WNT1: variants seen among roughly 807,000 people sequenced by gnomAD.
WNT1 encodes Wnt family member 1, also known as proto-oncogene Wnt-1.
WNT1 carries 10 observed loss-of-function variants against 21.3 expected under a neutral mutation model. That is an observed-to-expected ratio of 0.47 (90% CI 0.29 to 0.80). WNT1 has a LOEUF of 0.80. Among genes scored for constraint, WNT1 ranks in the 30% least tolerant of loss-of-function variants. The pLI, the probability that WNT1 is intolerant of heterozygous loss-of-function variation, is 0.09. For missense variants in WNT1, 476 were observed against 534.1 expected, an observed-to-expected ratio of 0.89 and a Z score of 1.07; for synonymous variants, 208 against 236.3, an observed-to-expected ratio of 0.88 and a Z score of 1.10.
chr12:48,978,547 C>A lies in WNT1; in HGVS notation c.-104C>A, dbSNP rs1343227143. The A allele has an allele frequency of 6.0e-6, 5 of 834,376 alleles. No homozygotes were observed. Among genetic ancestry groups the A allele is most frequent in the African/African-American group, 1.7e-5 (1 of 58,642 alleles). The allele number at this position is 834,376 out of a possible 1,614,324, so 51.7% of individuals were successfully genotyped here. On this transcript the variant is annotated 5_prime_UTR_variant, in exon 1 of 4. Transcript: ENST00000293549. This position sits in a 1 kb window ranked among gnomAD's most constrained non-coding sequence, Gnocchi z 7.4. ...CCCCAGGGTTGTTAAAGCCAGACTG[C>A]GAACTCTCGCCACTGCCGCCACCGC...
In WNT1 at chr12:48,979,771, C is replaced by T; in HGVS notation, c.358+50C>T. On this transcript the variant is annotated intron_variant, in intron 2 of 3. Coordinates refer to ENST00000293549, the MANE Select transcript of WNT1 (RefSeq NM_005430.4). This position sits in a 1 kb window ranked among gnomAD's most constrained non-coding sequence, Gnocchi z 6.0. ...TCCGGGAGCAGGGGAAACGCGGGGT[C>T]ACCCCCAGGGCATGGGCGGGCGAGT... 6.5e-7 allele frequency: 1 copy of T among 1,533,666 alleles called. No individual in the cohort carries two copies. Among genetic ancestry groups the T allele is most frequent in the Non-Finnish European group, 8.8e-7 (1 of 1,140,832 alleles).
chr12:48,979,660 T>G lies in WNT1; in HGVS notation c.297T>G (p.Asn99Lys), dbSNP rs1211888536. ...AVRECKWQFR[N>K]RRWNCPTAPG... ...GCGAGTGCAAGTGGCAGTTCCGGAA[T>G]CGCCGCTGGAACTGTCCCACTGCTC... The change falls in exon 2 of 4, where the codon AAT (asparagine) becomes AAG (lysine). Residue 99 changes from asparagine to lysine, a missense_variant. Coordinates refer to ENST00000293549, the MANE Select transcript of WNT1 (RefSeq NM_005430.4). This position sits in a 1 kb window ranked among gnomAD's most constrained non-coding sequence, Gnocchi z 6.0. 6.2e-7 allele frequency: 1 copy of G among 1,613,048 alleles called. No homozygotes were observed. The highest frequency in any genetic ancestry group is 1.3e-5 in the African/African-American group (1 of 75,034).
In WNT1 at chr12:48,980,531, C is replaced by A. The variant is rs746877791; in HGVS notation, c.466C>A (p.Arg156=). Residue 156 remains arginine (R), a synonymous_variant, in exon 3 of 4, where the codon CGG becomes AGG. Transcript: ENST00000293549. This position sits in a 1 kb window ranked among gnomAD's most constrained non-coding sequence, Gnocchi z 7.0. The part of the protein sequence containing the change: ...GSIESCTCDY[R]RRGPGGPDWH... ...CATCGAATCCTGCACGTGTGACTAC[C>A]GGCGGCGCGGCCCCGGGGGCCCCGA... 2 of 1,613,502 alleles carry A rather than the reference C, an allele frequency of 1.2e-6. No homozygotes were observed. Among genetic ancestry groups the A allele is most frequent in the East Asian group, 2.2e-5 (1 of 44,876 alleles).
Position 48,979,642 on chromosome 12 carries a change from C to T in WNT1, c.279C>T (p.Cys93=), listed in dbSNP as rs887278549. ...SGGLQSAVRE[C]KWQFRNRRWN... is the part of the protein sequence containing the mutation. Reference sequence around the variant, plus strand: ...GGCTGCAGAGTGCCGTGCGCGAGTGCAAGTGGCAGTTCCGGAATCGCCGCT... The same window carrying T: ...GGCTGCAGAGTGCCGTGCGCGAGTGTAAGTGGCAGTTCCGGAATCGCCGCT... The change falls in exon 2 of 4, where the codon TGC becomes TGT. Residue 93 remains cysteine (C), a synonymous_variant. Transcript: ENST00000293549. The surrounding 1 kb of genome is among the most constrained non-coding windows in gnomAD (Gnocchi z 6.0). The T allele has an allele frequency of 6.2e-7, 1 of 1,613,598 alleles. No homozygotes were observed. The highest frequency in any genetic ancestry group is 8.5e-7 in the Non-Finnish European group (1 of 1,179,740).
Position 48,978,878 on chromosome 12 carries a change from C to CGGTGTCGCGGAGGGAA in WNT1, c.104+125_104+126insGTGTCGCGGAGGGAAG. On this transcript the variant is annotated intron_variant, in intron 1 of 3. Coordinates refer to ENST00000293549, the MANE Select transcript of WNT1 (RefSeq NM_005430.4). The surrounding 1 kb of genome is among the most constrained non-coding windows in gnomAD (Gnocchi z 7.4). ...CTCCCTCCCCGCTCTGACTTCCCTC[C>CGGTGTCGCGGAGGGAA]GCGACACCGAAGGGCGATCTGGCAT... is the stretch of plus-strand genomic sequence containing the variant. The CGGTGTCGCGGAGGGAA allele has an allele frequency of 1.5e-6, 1 of 675,790 alleles. No individual in the cohort carries two copies. The highest frequency in any genetic ancestry group is 2.4e-6 in the Non-Finnish European group (1 of 409,776). The allele number at this position is 675,790 out of a possible 1,614,324, so 41.9% of individuals were successfully genotyped here.
Position 48,980,922 on chromosome 12 carries a change from A to C in WNT1, c.625-230A>C, listed in dbSNP as rs1941003791. Among the ~76,000 whole-genome samples, 1 of 152,208 alleles carries C rather than the reference A, an allele frequency of 6.6e-6. No homozygotes were observed. Among genetic ancestry groups the C allele is most frequent in the Non-Finnish European group, 1.5e-5 (1 of 68,030 alleles). ...ATCAAGCACAGTCTCTTCGCTGTAC[A>C]GATTCGAAAAATAAGCCTGAGAGGC... On this transcript the variant is annotated intron_variant, in intron 3 of 3. Coordinates refer to ENST00000293549, the MANE Select transcript of WNT1 (RefSeq NM_005430.4). The surrounding 1 kb of genome is among the most constrained non-coding windows in gnomAD (Gnocchi z 7.0).
In WNT1 at chr12:48,979,786, G is replaced by A; in HGVS notation, c.358+65G>A. The A allele has an allele frequency of 2.0e-6, 3 of 1,492,034 alleles. No homozygotes were observed. The highest frequency in any genetic ancestry group is 8.9e-7 in the Non-Finnish European group (1 of 1,123,642). The allele number at this position is 1,492,034 out of a possible 1,614,324, so 92.4% of individuals were successfully genotyped here. A position where few individuals can be genotyped will look rare whatever the true frequency, so the allele number is the denominator to read the frequency against. ...AACGCGGGGTCACCCCCAGGGCATG[G>A]GCGGGCGAGTTCAGAGAAGGTGTCC... On this transcript the variant is annotated intron_variant, in intron 2 of 3. Coordinates refer to ENST00000293549, the MANE Select transcript of WNT1 (RefSeq NM_005430.4). This position sits in a 1 kb window ranked among gnomAD's most constrained non-coding sequence, Gnocchi z 6.0.
rs980997478 is a variant in WNT1 at position 48,979,057 on chromosome 12, T to C, written c.104+303T>C. Among the ~76,000 whole-genome samples the C allele has an allele frequency of 6.6e-6, 1 of 152,244 alleles. No homozygotes were observed. The highest frequency in any genetic ancestry group is 1.5e-5 in the Non-Finnish European group (1 of 68,048). On this transcript the variant is annotated intron_variant, in intron 1 of 3. Coordinates refer to ENST00000293549, the MANE Select transcript of WNT1 (RefSeq NM_005430.4). The surrounding 1 kb of genome is among the most constrained non-coding windows in gnomAD (Gnocchi z 6.0). The stretch of plus-strand genomic sequence containing the variant: ...CTCACGGCGGTGGCTCACCACAGGT[T>C]TCCCCACCTCGGGAAGTGAAGGGCC...
Position 48,978,513 on chromosome 12 carries a change from G to A in WNT1, c.-138G>A, listed in dbSNP as rs1390238967. 3.0e-6 allele frequency: 2 copies of A among 662,540 alleles called. No individual in the cohort carries two copies. The highest frequency in any genetic ancestry group is 5.3e-6 in the Non-Finnish European group (2 of 379,614). The allele number at this position is 662,540 out of a possible 1,614,324, so 41.0% of individuals were successfully genotyped here. On this transcript the variant is annotated 5_prime_UTR_variant, in exon 1 of 4. Transcript: ENST00000293549. The surrounding 1 kb of genome is among the most constrained non-coding windows in gnomAD (Gnocchi z 7.4). ...GCCGGGACCGCGAGCCATGCTGTCC[G>A]CCGCCCGCCCCCAGGGTTGTTAAAG...
Position 48,981,691 on chromosome 12 carries a change from A to G in WNT1, c.*51A>G. The G allele has an allele frequency of 7.1e-7, 1 of 1,415,954 alleles. No homozygotes were observed. The allele number at this position is 1,415,954 out of a possible 1,614,324, so 87.7% of individuals were successfully genotyped here. A position where few individuals can be genotyped will look rare whatever the true frequency, so the allele number is the denominator to read the frequency against. ...AACGCTCTCCTCGAGCCCTCCCCCA[A>G]ACAGACTCGCTAGCACTCAAGACCC... On this transcript the variant is annotated 3_prime_UTR_variant, in exon 4 of 4. Coordinates refer to ENST00000293549, the MANE Select transcript of WNT1 (RefSeq NM_005430.4). This position sits in a 1 kb window ranked among gnomAD's most constrained non-coding sequence, Gnocchi z 7.4.
Position 48,978,340 on chromosome 12 carries a change from G to A in WNT1, c.-311G>A. ...TCGGCTCAGACGGGCGGGAACCACA[G>A]CCCCGCTCGCTGCCCATTGTCTGCG... On this transcript the variant is annotated 5_prime_UTR_variant, in exon 1 of 4. Transcript: ENST00000293549. The surrounding 1 kb of genome is among the most constrained non-coding windows in gnomAD (Gnocchi z 7.4). 1 of 407,858 alleles carries A rather than the reference G, an allele frequency of 2.5e-6. No individual in the cohort carries two copies. The highest frequency in any genetic ancestry group is 2.5e-5 in the South Asian group (1 of 39,536). The allele number at this position is 407,858 out of a possible 1,614,324, so 25.3% of individuals were successfully genotyped here. A position where few individuals can be genotyped will look rare whatever the true frequency, so the allele number is the denominator to read the frequency against.
chr12:48,979,792 C>G lies in WNT1; in HGVS notation c.358+71C>G, dbSNP rs1940986492. Reference sequence around the variant, plus strand: ...GGGTCACCCCCAGGGCATGGGCGGGCGAGTTCAGAGAAGGTGTCCCAGGCG... The same window carrying G: ...GGGTCACCCCCAGGGCATGGGCGGGGGAGTTCAGAGAAGGTGTCCCAGGCG... On this transcript the variant is annotated intron_variant, in intron 2 of 3. Coordinates refer to ENST00000293549, the MANE Select transcript of WNT1 (RefSeq NM_005430.4). This position sits in a 1 kb window ranked among gnomAD's most constrained non-coding sequence, Gnocchi z 6.0. The G allele has an allele frequency of 6.8e-7, 1 of 1,478,742 alleles. No individual in the cohort carries two copies. Among genetic ancestry groups the G allele is most frequent in the African/African-American group, 1.4e-5 (1 of 71,196 alleles). The allele number at this position is 1,478,742 out of a possible 1,614,324, so 91.6% of individuals were successfully genotyped here.
rs535491916 is a variant in WNT1, at chr12:48,981,058, G to A, written c.625-94G>A. 94 of 1,534,792 alleles carry A rather than the reference G, an allele frequency of 6.1e-5. No homozygotes were observed. The highest frequency in any genetic ancestry group is 7.9e-5 in the Non-Finnish European group (90 of 1,140,152). ...CAGCTAGGCCTGGGCCTTTGCTGAG[G>A]TCCGGCCCCCGTGGCGTCCGGGAGA... On this transcript the variant is annotated intron_variant, in intron 3 of 3. Transcript: ENST00000293549. The surrounding 1 kb of genome is among the most constrained non-coding windows in gnomAD (Gnocchi z 7.4).
rs1592257712 is a variant in WNT1, at chr12:48,981,062, G to A, written c.625-90G>A. 3 of 1,536,878 alleles carry A rather than the reference G, an allele frequency of 2.0e-6. No individual in the cohort carries two copies. The highest frequency in any genetic ancestry group is 2.4e-5 in the East Asian group (1 of 41,812). On this transcript the variant is annotated intron_variant, in intron 3 of 3. Transcript: ENST00000293549. The surrounding 1 kb of genome is among the most constrained non-coding windows in gnomAD (Gnocchi z 7.4). ...TAGGCCTGGGCCTTTGCTGAGGTCC[G>A]GCCCCCGTGGCGTCCGGGAGAGGGC...
chr12:48,980,450 G>T lies in WNT1; in HGVS notation c.385G>T (p.Ala129Ser), dbSNP rs764283737. The T allele has an allele frequency of 6.2e-7, 1 of 1,614,192 alleles. No homozygotes were observed. Among genetic ancestry groups the T allele is most frequent in the South Asian group, 1.1e-5 (1 of 91,090 alleles). ...RGCRETAFIF[A>S]ITSAGVTHSV... ...CTGTCGAGAAACGGCGTTTATCTTC[G>T]CTATCACCTCCGCCGGGGTCACCCA... The change falls in exon 3 of 4, where the codon GCT becomes TCT. Residue 129 changes from alanine (A) to serine (S), a missense_variant. Transcript: ENST00000293549. This position sits in a 1 kb window ranked among gnomAD's most constrained non-coding sequence, Gnocchi z 7.0.
Position 48,979,703 on chromosome 12 carries a change from G to C in WNT1, c.340G>C (p.Gly114Arg). The change falls in exon 2 of 4, where the codon GGC becomes CGC. Residue 114 changes from glycine (G) to arginine (R), a missense_variant. Gly to Arg is a moderately radical substitution (Grantham distance 125). Coordinates refer to ENST00000293549, the MANE Select transcript of WNT1 (RefSeq NM_005430.4). The surrounding 1 kb of genome is among the most constrained non-coding windows in gnomAD (Gnocchi z 6.0). ...CACTGCTCCAGGGCCCCACCTCTTC[G>C]GCAAGATCGTCAACCGAGGTGGGTG... ...CPTAPGPHLF[G>R]KIVNRGCRET... 6.3e-7 allele frequency: 1 copy of C among 1,594,238 alleles called. No homozygotes were observed. Among genetic ancestry groups the C allele is most frequent in the Non-Finnish European group, 8.6e-7 (1 of 1,165,722 alleles).
At position 48,982,054 on chromosome 12, in the gene WNT1, C is replaced by T. The variant is rs1941023494; in HGVS notation, c.*414C>T. 6.6e-6 allele frequency among the ~76,000 whole-genome samples: 1 copy of T among 152,210 alleles called. No homozygotes were observed. Among genetic ancestry groups the T allele is most frequent in the African/African-American group, 2.4e-5 (1 of 41,452 alleles). On this transcript the variant is annotated 3_prime_UTR_variant, in exon 4 of 4. Coordinates refer to ENST00000293549, the MANE Select transcript of WNT1 (RefSeq NM_005430.4). ...TTGTCCTGCGTTTTCTCCGGGTCCT[C>T]CTAAGTCCCTTCCTATTCTCCTGCC... is the stretch of plus-strand genomic sequence containing the variant.
In WNT1 at chr12:48,979,338, G is replaced by C; in HGVS notation, c.105-130G>C. The C allele has an allele frequency of 4.9e-6, 6 of 1,226,884 alleles. No homozygotes were observed. The South Asian group carries it at 7.5e-5, about 15-fold the overall frequency. The allele number at this position is 1,226,884 out of a possible 1,614,324, so 76.0% of individuals were successfully genotyped here. A position where few individuals can be genotyped will look rare whatever the true frequency, so the allele number is the denominator to read the frequency against. On this transcript the variant is annotated intron_variant, in intron 1 of 3. Coordinates refer to ENST00000293549, the MANE Select transcript of WNT1 (RefSeq NM_005430.4). The surrounding 1 kb of genome is among the most constrained non-coding windows in gnomAD (Gnocchi z 6.0). ...TTCTTTCAAATTAGTGAGCCTGGGA[G>C]AGCGGGTATTATTAATCTCCCGCCA...
In WNT1 at chr12:48,978,979, G is replaced by A. The variant is rs1388558427; in HGVS notation, c.104+225G>A. Reference sequence around the variant, plus strand: ...GCGGAGGCCTAAGATACCCCAGGCAGGGAGCCCACTCTCATCTAGCACCGC... The same window carrying A: ...GCGGAGGCCTAAGATACCCCAGGCAAGGAGCCCACTCTCATCTAGCACCGC... On this transcript the variant is annotated intron_variant, in intron 1 of 3. Transcript: ENST00000293549. This position sits in a 1 kb window ranked among gnomAD's most constrained non-coding sequence, Gnocchi z 7.4. 6.6e-6 allele frequency among the ~76,000 whole-genome samples: 1 copy of A among 152,252 alleles called. No individual in the cohort carries two copies. The highest frequency in any genetic ancestry group is 1.5e-5 in the Non-Finnish European group (1 of 68,050).
Sources: allele counts gnomAD v4.1 joint callset (sites outside exome capture counted in the v4.1 genomes callset), GRCh38; gene constraint gnomAD v4.1.1; non-coding constraint Gnocchi (gnomAD v3.1); transcripts MANE v1.5; gene names NCBI Gene and HGNC (gene_info 2026-07-23, HGNC 2026-07-21).